C16orf78: variants seen among roughly 807,000 people sequenced by gnomAD.
C16orf78 encodes the protein uncharacterized protein C16orf78.
A neutral mutation model predicts 27.3 loss-of-function variants in C16orf78; 19 were observed. The observed-to-expected ratio is 0.70, with a 90% CI of 0.49 to 1.02. C16orf78 has a LOEUF of 1.02. C16orf78 is among the 50% of genes least tolerant of loss of function. The probability of loss-of-function intolerance (pLI) is 0.00; values close to 1 mark genes in which losing one functional copy is unlikely to be tolerated. For synonymous variants in C16orf78, 130 were observed against 116.1 expected, an observed-to-expected ratio of 1.12 and a Z score of -0.77; for missense variants, 339 against 337.0, an observed-to-expected ratio of 1.01 and a Z score of -0.05.
chr16:49,375,346 A>T (rs1353462837), intron 1 of C16orf78, among the ~76,000 whole-genome samples: 1 of 152,208 alleles, frequency 6.6e-6, no homozygotes, highest in East Asian at 1.9e-4. Flanking sequence ...AAAAATAAAA[A>T]AAAATGTTTA....
intron 3 of C16orf78, among the ~76,000 whole-genome samples, chr16:49,381,481 T>C (rs1319862991): frequency 3.3e-5 from 5 of 152,166 alleles, no homozygotes; most frequent in Non-Finnish European, 2.9e-5. Context: ...ACAGGCAACC[T>C]ACAAAATGGA....
chr16:49,387,981 T>C (rs1480111153), intron 3 of C16orf78, among the ~76,000 whole-genome samples: 1 of 152,162 alleles, frequency 6.6e-6, no homozygotes, highest in African/African-American at 2.4e-5. Context: ...CTATTTGTTT[T>C]ATTAATTCTT....
At chr16:49,377,473 G>A (rs1965233508) in intron 1 of C16orf78, among the ~76,000 whole-genome samples, 1 of 152,042 alleles carries the variant, frequency 6.6e-6, no homozygotes, top group African/African-American at 2.4e-5. Context: ...GGGGGTGATG[G>A]GGAGCCCCTG....
At chr16:49,378,850 G>A (rs1372046849) in intron 3 of C16orf78, among the ~76,000 whole-genome samples, 1 of 151,964 alleles carries the variant, frequency 6.6e-6, no homozygotes, top group Non-Finnish European at 1.5e-5. Context: ...TCCCTTCTCA[G>A]GAAACCAGCC....
chr16:49,383,677 G>A (rs1285908167), intron 3 of C16orf78, among the ~76,000 whole-genome samples: 2 of 152,138 alleles, frequency 1.3e-5, no homozygotes, highest in African/African-American at 4.8e-5. Context: ...GCCTTCCTCA[G>A]TTATTTATGT....
At chr16:49,378,656 A>T (rs1295065651) in intron 3 of C16orf78, 63 bp downstream of exon 3, 1 of 1,601,696 alleles carries the variant, frequency 6.2e-7, no homozygotes, top group Non-Finnish European at 8.5e-7. Flanking sequence ...CCTCTAGAAG[A>T]AACCGAAAGC....
chr16:49,385,252 A>G (rs967111362), intron 3 of C16orf78, among the ~76,000 whole-genome samples: 9 of 152,360 alleles, frequency 5.9e-5, no homozygotes, highest in African/African-American at 2.2e-4. Context: ...TGGATACACA[A>G]TACAAAATAT....
intron 3 of C16orf78, among the ~76,000 whole-genome samples, chr16:49,381,307 G>A (rs991032626): frequency 1.4e-4 from 21 of 152,048 alleles, no homozygotes; most frequent in East Asian, 3.9e-4. Context: ...CTTTTATTTC[G>A]TTGAGCAGTG....
In C16orf78 at chr16:49,396,665, G is replaced by A. The variant is rs1965479264; in HGVS notation, c.637G>A (p.Val213Met). ...ETMRMLKPEEVLSCRYLRLSK... is the reference protein window; with the variant it reads ...ETMRMLKPEEMLSCRYLRLSK... ...CATGAGGATGTTGAAGCCAGAGGAG[G>A]TGCTGAGCTGCCGGTGAGAGCTGCC... The change falls in exon 4 of 5, where the codon GTG becomes ATG. Residue 213 changes from valine to methionine, a missense_variant. Val to Met is a conservative substitution (Grantham distance 21). Coordinates refer to ENST00000299191, the MANE Select transcript of C16orf78 (RefSeq NM_144602.4). The A allele has an allele frequency of 1.2e-6, 2 of 1,608,220 alleles. No individual in the cohort carries two copies. Among genetic ancestry groups the A allele is most frequent in the South Asian group, 1.1e-5 (1 of 91,064 alleles).
At chr16:49,390,936 C>T (rs1965405521) in intron 3 of C16orf78, among the ~76,000 whole-genome samples, 1 of 152,170 alleles carries the variant, frequency 6.6e-6, no homozygotes. Context: ...TCATTTCTTT[C>T]CCCTCACTCA....
intron 3 of C16orf78, among the ~76,000 whole-genome samples, chr16:49,381,224 A>G (rs1270533465): frequency 1.3e-5 from 2 of 152,194 alleles, no homozygotes; most frequent in Non-Finnish European, 2.9e-5. Context: ...TACCTTGGGC[A>G]GTATGGCCAT....
chr16:49,376,448 G>C (rs1488180280), intron 1 of C16orf78, among the ~76,000 whole-genome samples: 2 of 152,192 alleles, frequency 1.3e-5, no homozygotes, highest in East Asian at 3.9e-4. Flanking sequence ...AGGATTGAGT[G>C]GGGGATGGTG....
intron 3 of C16orf78, among the ~76,000 whole-genome samples, chr16:49,393,622 A>C (rs1965439429): frequency 6.6e-6 from 1 of 152,154 alleles, no homozygotes. Flanking sequence ...TACAGTAAAA[A>C]CTAAAAGTAA....
Position 49,377,765 on chromosome 16 carries a change from G to C in C16orf78, c.185G>C (p.Arg62Pro). 6.2e-7 allele frequency: 1 copy of C among 1,601,214 alleles called. No individual in the cohort carries two copies. ...QKPKVVTVLK[R>P]NKKKEEKKGK... ...CCCAAAGTGGTGACAGTCCTTAAACGAAATAAGAAGAAGGAAGAGAAGAAA... is the reference window on the plus strand; with the variant it reads ...CCCAAAGTGGTGACAGTCCTTAAACCAAATAAGAAGAAGGAAGAGAAGAAA... The change falls in exon 2 of 5, where the codon CGA becomes CCA. Residue 62 changes from arginine (R) to proline (P), a missense_variant. Coordinates refer to ENST00000299191, the MANE Select transcript of C16orf78 (RefSeq NM_144602.4).
chr16:49,378,468 A>G lies in C16orf78; in HGVS notation c.271-2A>G, dbSNP rs757691339. On this transcript the variant is annotated splice_acceptor_variant, in intron 2 of 4. Transcript: ENST00000299191. LOFTEE classifies it high-confidence loss of function. ...TGTGACTTCTCACCTGCTCCCTCCA[A>G]GGCCTTAGGAAAGAGATTCAGGAAG... is the stretch of plus-strand genomic sequence containing the variant. The G allele has an allele frequency of 6.4e-7, 1 of 1,572,938 alleles. No individual in the cohort carries two copies. Among genetic ancestry groups the G allele is most frequent in the South Asian group, 1.2e-5 (1 of 85,948 alleles).
chr16:49,382,613 C>T (rs1420255352), intron 3 of C16orf78, among the ~76,000 whole-genome samples: 1 of 152,108 alleles, frequency 6.6e-6, no homozygotes, highest in Non-Finnish European at 1.5e-5. Flanking sequence ...AACTCCAAGA[C>T]TGGGTAAGGT....
At chr16:49,386,364 T>C (rs555780842) in intron 3 of C16orf78, among the ~76,000 whole-genome samples, 2 of 152,364 alleles carry the variant, frequency 1.3e-5, no homozygotes, top group East Asian at 3.9e-4. Flanking sequence ...ACCTAACATA[T>C]GTTTACACAT....
chr16:49,384,346 CAAAAAA>C (rs771147270), intron 3 of C16orf78, among the ~76,000 whole-genome samples: 2 of 50,966 alleles, frequency 3.9e-5, no homozygotes, highest in African/African-American at 1.4e-4. Context: ...AAAACTCCAT[CAAAAAA>C]AAAAAAAAAA....
chr16:49,377,297 G>C (rs141617979), intron 1 of C16orf78, among the ~76,000 whole-genome samples: 1 of 152,190 alleles, frequency 6.6e-6, no homozygotes, highest in Admixed American at 6.5e-5. Flanking sequence ...GGGAGAGGCC[G>C]GGGTGAGCAA....
Sources: allele counts gnomAD v4.1 joint callset (sites outside exome capture counted in the v4.1 genomes callset), GRCh38; gene constraint gnomAD v4.1.1; transcripts MANE v1.5; gene names NCBI Gene and HGNC (gene_info 2026-07-23, HGNC 2026-07-21).